ZC4H2: variants seen among roughly 807,000 people sequenced by gnomAD.
ZC4H2 encodes the protein zinc finger C4H2-type containing, also known as zinc finger C4H2 domain-containing protein.
For missense variants in ZC4H2, 137 were observed against 173.9 expected (o/e 0.79, Z 1.19); for synonymous variants, 84 against 66.3 (o/e 1.27, Z -1.30).
chrX:65,015,915 C>T (rs1482688662), intron 1 of ZC4H2, among the ~76,000 whole-genome samples: 5 of 110,606 alleles, frequency 4.5e-5, no homozygotes, highest in African/African-American at 1.3e-4. Context: ...CAAACACATT[C>T]CCCTCTATTA....
At chrX:64,922,234 G>A (rs1202572943) in intron 1 of ZC4H2, 10 of 295,955 alleles carry the variant, frequency 3.4e-5, no homozygotes, top group Non-Finnish European at 3.8e-5. Context: ...AACATAGTGA[G>A]ACCTTATATC....
rs759821552 is a variant in ZC4H2 at position 64,992,042 on chromosome X, T to C, written c.-272+42587A>G. Reference sequence around the variant, plus strand: ...GGAGGAAAAAATGGGGAGTGACTTCTTAATGGGTATGAGGTATGAAAATGT... The same window carrying C: ...GGAGGAAAAAATGGGGAGTGACTTCCTAATGGGTATGAGGTATGAAAATGT... On this transcript the variant is annotated intron_variant, in intron 1 of 4. Transcript: ENST00000337990. 2.7e-5 allele frequency among the ~76,000 whole-genome samples: 3 copies of C among 111,608 alleles called. No individual in the cohort carries two copies. In the East Asian group the frequency reaches 8.5e-4, roughly 31 times the overall value.
chrX:65,022,945 G>A (rs1037065236), intron 1 of ZC4H2, among the ~76,000 whole-genome samples: 13 of 111,622 alleles, frequency 1.2e-4, no homozygotes, highest in African/African-American at 3.9e-4. Context: ...TTTTTATCAG[G>A]TTTGTCAAAG....
intron 1 of ZC4H2, among the ~76,000 whole-genome samples, chrX:64,959,651 A>G (rs1402555839): frequency 9.2e-6 from 1 of 109,083 alleles, no homozygotes; most frequent in Middle Eastern, 4.3e-3. Context: ...ATTTTAAATG[A>G]CAACCTAAAT....
chrX:65,023,282 T>C (rs1282502656), intron 1 of ZC4H2, among the ~76,000 whole-genome samples: 2 of 111,926 alleles, frequency 1.8e-5, no homozygotes. Flanking sequence ...TTTCTAAATA[T>C]ACAATCATGG....
At chrX:64,978,503 G>A (rs545519494), upstream of ZC4H2, among the ~76,000 whole-genome samples, 5 of 111,799 alleles carry the variant, frequency 4.5e-5, no homozygotes, top group South Asian at 1.9e-3. Flanking sequence ...ACAAGCCTGC[G>A]TTAAGTGCCT....
intron 1 of ZC4H2, among the ~76,000 whole-genome samples, chrX:64,952,568 G>A (rs371572240): frequency 7.2e-5 from 8 of 111,059 alleles, no homozygotes; most frequent in Admixed American, 1.9e-4. Flanking sequence ...CCCTTTCACA[G>A]TTGCTTCAAA....
chrX:65,017,348 T>A (rs983671089), intron 1 of ZC4H2, among the ~76,000 whole-genome samples: 7 of 112,455 alleles, frequency 6.2e-5, no homozygotes, highest in African/African-American at 2.3e-4. Context: ...CACGAAATTA[T>A]GCATAGCTAC....
chrX:65,019,188 G>C (rs1243939522), intron 1 of ZC4H2, among the ~76,000 whole-genome samples: 2 of 111,816 alleles, frequency 1.8e-5, no homozygotes, highest in Non-Finnish European at 1.9e-5. Context: ...GGTCTGATAA[G>C]GGACAGACTG....
intron 1 of ZC4H2, among the ~76,000 whole-genome samples, chrX:64,937,649 A>G (rs780584962): frequency 9.0e-6 from 1 of 111,643 alleles, no homozygotes; most frequent in Admixed American, 9.5e-5. Flanking sequence ...CCACACAACT[A>G]CATGCAAACT....
At chrX:64,965,564 A>G in intron 1 of ZC4H2, 1 of 283,202 alleles carries the variant, frequency 3.5e-6, no homozygotes, top group African/African-American at 2.8e-5. Flanking sequence ...AATACGACTT[A>G]GGCAAACATT....
At chrX:64,956,626 T>G (rs1931166625) in intron 1 of ZC4H2, among the ~76,000 whole-genome samples, 1 of 111,358 alleles carries the variant, frequency 9.0e-6, no homozygotes, top group Admixed American at 9.6e-5. Context: ...AAAAGTAGAG[T>G]TTTAAAACAA....
intron 1 of ZC4H2, among the ~76,000 whole-genome samples, chrX:65,017,710 A>G (rs1311802033): frequency 8.9e-6 from 1 of 112,026 alleles, no homozygotes; most frequent in Non-Finnish European, 1.9e-5. Context: ...CTGCAGTGAT[A>G]CAAATTCAAG....
At chrX:64,943,272 A>G (rs928709576) in intron 1 of ZC4H2, among the ~76,000 whole-genome samples, 1 of 112,120 alleles carries the variant, frequency 8.9e-6, no homozygotes, top group Non-Finnish European at 1.9e-5. Context: ...TTTTAGAAAA[A>G]GTGCTATGTG....
chrX:64,917,975 G>A (rs191846743), intron 4 of ZC4H2, 79 bp from the exon 5 acceptor site: 74 of 1,072,549 alleles, frequency 6.9e-5, no homozygotes, highest in Non-Finnish European at 4.5e-5. Context: ...TTCCCCAGGG[G>A]CCCAGAAAGC....
upstream of ZC4H2, chrX:64,976,477 T>TG: frequency 1.1e-6 from 1 of 947,168 alleles, no homozygotes; most frequent in African/African-American, 1.9e-5. Context: ...CTTGGGGCTA[T>TG]GAGCCTGTGC....
chrX:64,950,928 G>T (rs180674298), intron 1 of ZC4H2, among the ~76,000 whole-genome samples: 34 of 110,321 alleles, frequency 3.1e-4, no homozygotes, highest in Non-Finnish European at 4.2e-4. Context: ...TTAGCATTAG[G>T]TATATCTCCT....
Position 64,986,253 on chromosome X carries a change from C to T in ZC4H2, c.-272+48376G>A, listed in dbSNP as rs181421549. Among the ~76,000 whole-genome samples the T allele has an allele frequency of 1.2e-3, 133 of 112,465 alleles. 1 individual carries two copies. The highest frequency in any genetic ancestry group is 4.0e-3 in the African/African-American group (125 of 31,001). On this transcript the variant is annotated intron_variant, in intron 1 of 4. Transcript: ENST00000337990. ...TTAAGACAAACATGCTTATCCTTTA[C>T]TTGTCAAAGACAGCTTTTTGGTCTA... is the stretch of plus-strand genomic sequence containing the variant.
chrX:64,970,414 C>T (rs1931737722), intron 1 of ZC4H2, among the ~76,000 whole-genome samples: 1 of 104,163 alleles, frequency 9.6e-6, no homozygotes, highest in Admixed American at 1.1e-4. Context: ...AGTCAATCCC[C>T]AAGCCAGGTA....
Sources: gnomAD v4.1 joint callset for allele counts (sites outside exome capture counted in the v4.1 genomes callset) on GRCh38, gnomAD v4.1.1 for gene constraint, MANE v1.5 for transcripts, NCBI Gene and HGNC (gene_info 2026-07-23, HGNC 2026-07-21) for gene names.